Variants in ITGA2 observed in about 807,000 individuals in gnomAD.
The protein encoded by ITGA2 is integrin alpha-2.
A neutral mutation model predicts 146.3 loss-of-function variants in ITGA2; 101 were observed. That is an observed-to-expected ratio of 0.69 (90% CI 0.59 to 0.81). ITGA2 has a LOEUF of 0.81. ITGA2 is among the 40% of genes least tolerant of loss of function. The pLI is 0.00. For missense variants in ITGA2, 1,281 were observed against 1,402.7 expected, an observed-to-expected ratio of 0.91 and a Z score of 1.39; for synonymous variants, 477 against 487.1, an observed-to-expected ratio of 0.98 and a Z score of 0.27.
chr5:53,084,927 T>C (rs1740584448), intron 27 of ITGA2, among the ~76,000 whole-genome samples: 1 of 152,234 alleles, frequency 6.6e-6, no homozygotes, highest in African/African-American at 2.4e-5. Context: ...AAGCAGTTTA[T>C]TTCTGGGAGT....
intron 20 of ITGA2, among the ~76,000 whole-genome samples, chr5:53,073,612 C>T (rs1046845311): frequency 1.3e-5 from 2 of 151,890 alleles, no homozygotes; most frequent in African/African-American, 4.8e-5. Flanking sequence ...AGCTTTGCAA[C>T]TATGGTTGTT....
Position 53,060,993 on chromosome 5 carries a change from A to AGT in ITGA2, c.1409_1410dup (p.Asn471Ter). On this transcript the variant is annotated frameshift_variant, in exon 12 of 30. Coordinates refer to ENST00000296585, the MANE Select transcript of ITGA2 (RefSeq NM_002203.4). LOFTEE classifies it high-confidence loss of function. ...TTATACCGGCCAGATAGTGCTATAT[A>AGT]GTGTGAATGAGAATGGCAATATCAC... The AGT allele has an allele frequency of 6.2e-7, 1 of 1,612,386 alleles. No individual in the cohort carries two copies.
intron 1 of ITGA2, among the ~76,000 whole-genome samples, chr5:53,008,089 G>T (rs751059928): frequency 6.6e-6 from 1 of 151,748 alleles, no homozygotes; most frequent in African/African-American, 2.4e-5. Flanking sequence ...GTCAGCTCGG[G>T]TTATCATAAC....
intron 27 of ITGA2, 24 bp from the exon 28 acceptor site, chr5:53,086,928 A>G (rs916217641): frequency 5.1e-6 from 8 of 1,579,774 alleles, no homozygotes; most frequent in Non-Finnish European, 7.0e-6. Flanking sequence ...ACGATAAAAC[A>G]TATTCCTTAT....
chr5:53,029,133 G>A (rs993854168), intron 2 of ITGA2, among the ~76,000 whole-genome samples: 1 of 152,172 alleles, frequency 6.6e-6, no homozygotes, highest in African/African-American at 2.4e-5. Context: ...TCAGCCAGGT[G>A]TGGTGGCGGG....
intron 1 of ITGA2, among the ~76,000 whole-genome samples, chr5:52,999,977 T>C (rs1741484000): frequency 6.6e-6 from 1 of 152,216 alleles, no homozygotes; most frequent in Non-Finnish European, 1.5e-5. Flanking sequence ...TCTCTAGTCT[T>C]ATTTTTTTGG....
At chr5:52,989,810 A>G (rs1579760563) in intron 1 of ITGA2, among the ~76,000 whole-genome samples, 1 of 68,474 alleles carries the variant, frequency 1.5e-5, no homozygotes, top group South Asian at 6.4e-4. Context: ...TTAGGTACAC[A>G]CACGCACACA....
intron 3 of ITGA2, 73 bp from the exon 4 acceptor site, chr5:53,044,928 C>T: frequency 9.7e-7 from 1 of 1,034,136 alleles, no homozygotes. Context: ...ATGGGTGTGC[C>T]TGTTTTCTTT....
intron 26 of ITGA2, among the ~76,000 whole-genome samples, chr5:53,082,134 C>G (rs1045292257): frequency 1.3e-5 from 2 of 152,160 alleles, no homozygotes; most frequent in South Asian, 4.1e-4. Context: ...GTGAAATATG[C>G]TGCTGCACTT....
At chr5:53,036,294 A>G (rs1356912284) in intron 2 of ITGA2, among the ~76,000 whole-genome samples, 2 of 152,152 alleles carry the variant, frequency 1.3e-5, no homozygotes, top group Non-Finnish European at 2.9e-5. Context: ...ATTCTTCTAC[A>G]ATATGTCAGA....
chr5:52,990,664 G>T (rs558150508), intron 1 of ITGA2, among the ~76,000 whole-genome samples: 1 of 151,210 alleles, frequency 6.6e-6, no homozygotes, highest in South Asian at 2.1e-4. Context: ...TATTGTGGAG[G>T]AATGAATCCT....
chr5:53,029,990 C>A (rs1165666081), intron 2 of ITGA2, among the ~76,000 whole-genome samples: 1 of 152,130 alleles, frequency 6.6e-6, no homozygotes, highest in Non-Finnish European at 1.5e-5. Flanking sequence ...AACAGCTTTC[C>A]TGGACAGAGT....
At chr5:53,048,214 C>A (rs1292367311) in intron 4 of ITGA2, 149 bp from the exon 5 acceptor site, 2 of 711,582 alleles carry the variant, frequency 2.8e-6, no homozygotes, top group Non-Finnish European at 5.0e-6. Context: ...TCTGCTTTCC[C>A]CGAAGGCATT....
Position 53,078,797 on chromosome 5 carries a change from A to G in ITGA2, c.2851A>G (p.Ile951Val). 6.8e-6 allele frequency: 11 copies of G among 1,609,730 alleles called. No individual in the cohort carries two copies. The highest frequency in any genetic ancestry group is 9.3e-6 in the Non-Finnish European group (11 of 1,176,616). ...ATCTACCAACATAAATTTTTATGAA[A>G]TCTCTTCGGATGGGAATGTTCCTTC... ...TRSTNINFYEISSDGNVPSIV... is the reference protein window; with the variant it reads ...TRSTNINFYEVSSDGNVPSIV... Residue 951 changes from isoleucine (I) to valine (V), a missense_variant, in exon 24 of 30, where the codon ATC (isoleucine) becomes GTC (valine). Around this residue, in one of 3 missense-constraint regions of ITGA2, gnomAD observed 475 missense variants for 530.5 expected, o/e 0.90. Coordinates refer to ENST00000296585, the MANE Select transcript of ITGA2 (RefSeq NM_002203.4).
intron 7 of ITGA2, among the ~76,000 whole-genome samples, chr5:53,054,658 C>A (rs1163109724): frequency 6.6e-6 from 1 of 152,012 alleles, no homozygotes; most frequent in Non-Finnish European, 1.5e-5. Flanking sequence ...AAGAATGAGA[C>A]CTTCATGTAT....
chr5:53,090,707 G>A lies in ITGA2; in HGVS notation c.*108G>A. 1.1e-5 allele frequency: 7 copies of A among 658,650 alleles called. No homozygotes were observed. The highest frequency in any genetic ancestry group is 1.0e-4 in the South Asian group (7 of 68,574). The allele number at this position is 658,650 out of a possible 1,614,324, so 40.8% of individuals were successfully genotyped here. A position where few individuals can be genotyped will look rare whatever the true frequency, so the allele number is the denominator to read the frequency against. ...CCATATTTTTTTTATCATGTCGTAG[G>A]TAAACTAACCTGGTATTTTAAGAGA... On this transcript the variant is annotated 3_prime_UTR_variant, in exon 30 of 30. Coordinates refer to ENST00000296585, the MANE Select transcript of ITGA2 (RefSeq NM_002203.4).
intron 23 of ITGA2, 60 bp downstream of exon 23, chr5:53,075,364 TG>T (rs1554023364): frequency 5.2e-6 from 7 of 1,341,400 alleles, no homozygotes; most frequent in Non-Finnish European, 7.5e-6. Flanking sequence ...AGAAGATTTT[TG>T]GCTCATGGCT....
intron 18 of ITGA2, 51 bp from the exon 19 acceptor site, chr5:53,072,562 T>C (rs568301955): frequency 2.4e-6 from 3 of 1,245,680 alleles, no homozygotes; most frequent in African/African-American, 3.0e-5. Context: ...TTCTGTAATT[T>C]GCTTTTTCAA....
intron 15 of ITGA2, among the ~76,000 whole-genome samples, chr5:53,066,826 T>C (rs1006622469): frequency 6.6e-6 from 1 of 151,850 alleles, no homozygotes; most frequent in African/African-American, 2.4e-5. Flanking sequence ...TCAGTTAAAA[T>C]CATTTCAGAG....
Sources: gnomAD v4.1 joint callset for allele counts (sites outside exome capture counted in the v4.1 genomes callset) on GRCh38, gnomAD v4.1.1 for gene constraint, gnomAD v4.1.1 regional missense constraint, MANE v1.5 for transcripts, NCBI Gene and HGNC (gene_info 2026-07-23, HGNC 2026-07-21) for gene names.